SLC4A5: variants seen among roughly 807,000 people sequenced by gnomAD.
SLC4A5 encodes electrogenic sodium bicarbonate cotransporter 4.
A neutral mutation model predicts 120.4 loss-of-function variants in SLC4A5; 96 were observed. That is an observed-to-expected ratio of 0.80 (90% confidence interval 0.68 to 0.94). The LOEUF is 0.94. Ranked by LOEUF, SLC4A5 falls within the 40% of genes least tolerant of loss-of-function variation. SLC4A5 has a pLI of 0.00. For missense variants in SLC4A5, 1,259 were observed against 1,459.5 expected (o/e 0.86, Z 2.24); for synonymous variants, 550 against 571.1 (o/e 0.96, Z 0.53).
At chr2:74,220,198 C>T (rs1181477581) in intron 30 of SLC4A5, among the ~76,000 whole-genome samples, 1 of 152,186 alleles carries the variant, frequency 6.6e-6, no homozygotes, top group Non-Finnish European at 1.5e-5. Context: ...TCTGTGTTTG[C>T]CCCCACTATG....
chr2:74,245,843 C>T (rs1034844686), intron 19 of SLC4A5, among the ~76,000 whole-genome samples: 2 of 152,238 alleles, frequency 1.3e-5, no homozygotes, highest in East Asian at 3.8e-4. Context: ...GCTGAACCCA[C>T]TATCCACTTA....
chr2:74,247,042 C>T, exon 19 of SLC4A5: 1 of 1,613,680 alleles, frequency 6.2e-7, no homozygotes, highest in African/African-American at 1.3e-5. Context: ...TCACCTGTGT[C>T]AGGGGCGACA....
chr2:74,279,393 C>T (rs1671741781), intron 8 of SLC4A5, among the ~76,000 whole-genome samples: 1 of 152,288 alleles, frequency 6.6e-6, no homozygotes, highest in Admixed American at 6.5e-5. Flanking sequence ...CCCTTGATTT[C>T]CAGGACAAAG....
exon 19 of SLC4A5, chr2:74,247,199 G>A (rs1162192489): frequency 6.2e-7 from 1 of 1,614,100 alleles, no homozygotes; most frequent in African/African-American, 1.3e-5. Context: ...TGAAGCGGGT[G>A]ATATATTTGA....
rs1316373908 is a variant in SLC4A5, at chr2:74,222,857, GT to G, written c.3331+10del. 6.2e-7 allele frequency: 1 copy of G among 1,602,104 alleles called. No individual in the cohort carries two copies. The highest frequency in any genetic ancestry group is 1.3e-5 in the African/African-American group (1 of 74,670). On this transcript the variant is annotated intron_variant, in intron 29 of 30. Transcript: ENST00000394019. ...TAGTAAGAAGGGAGAGACATCATGT[GT>G]TTTACTTACTGGCAATGCAGTGGAT...
At chr2:74,305,881 T>C (rs956244998) in intron 6 of SLC4A5, among the ~76,000 whole-genome samples, 3 of 152,026 alleles carry the variant, frequency 2.0e-5, no homozygotes, top group African/African-American at 7.2e-5. Context: ...CGCACCACCA[T>C]GCCTGGCTAA....
chr2:74,259,621 C>T (rs1671074782), exon 12 of SLC4A5: 4 of 1,614,206 alleles, frequency 2.5e-6, no homozygotes, highest in Non-Finnish European at 3.4e-6. Context: ...AAATGTCATT[C>T]ATGCTTCTGC....
chr2:74,301,837 C>T (rs561715888), intron 7 of SLC4A5, among the ~76,000 whole-genome samples: 1 of 152,168 alleles, frequency 6.6e-6, no homozygotes, highest in Non-Finnish European at 1.5e-5. Flanking sequence ...TGGTTGGTGA[C>T]TTTGTTACCA....
rs1482768131 is a variant in SLC4A5, at chr2:74,274,503, T to TA, written c.402-9240dup. Reference sequence around the variant, plus strand: ...GCAGTAAATTTGAAAGATTATAAAGTATAAAAGACTGAGGGGGCAGGCATG... The same window carrying TA: ...GCAGTAAATTTGAAAGATTATAAAGTAATAAAAGACTGAGGGGGCAGGCATG... On this transcript the variant is annotated intron_variant, in intron 8 of 30. Coordinates refer to ENST00000394019, the Ensembl canonical transcript of SLC4A5. Among the ~76,000 whole-genome samples the TA allele has an allele frequency of 3.2e-4, 49 of 152,170 alleles. 1 individual carries two copies.
intron 7 of SLC4A5, among the ~76,000 whole-genome samples, chr2:74,297,018 T>C (rs1672351298): frequency 6.6e-6 from 1 of 152,138 alleles, no homozygotes; most frequent in Admixed American, 6.5e-5. Context: ...CTTTCTCTCC[T>C]TTACTTCTCA....
chr2:74,219,292 G>A (rs1032558794), intron 30 of SLC4A5, among the ~76,000 whole-genome samples: 1 of 150,164 alleles, frequency 6.7e-6, no homozygotes, highest in Non-Finnish European at 1.5e-5. Flanking sequence ...TCTCTGCCCC[G>A]CTCTATGTCT....
chr2:74,277,993 G>T (rs1364200311), intron 8 of SLC4A5, among the ~76,000 whole-genome samples: 1 of 152,172 alleles, frequency 6.6e-6, no homozygotes, highest in Non-Finnish European at 1.5e-5. Context: ...GAAGCTGGGT[G>T]ATGGGGACCA....
At chr2:74,337,428 A>G (rs1673519489) in intron 3 of SLC4A5, among the ~76,000 whole-genome samples, 1 of 152,238 alleles carries the variant, frequency 6.6e-6, no homozygotes, top group South Asian at 2.1e-4. Flanking sequence ...CCCAAAATGG[A>G]AACTGCAAAG....
intron 17 of SLC4A5, among the ~76,000 whole-genome samples, chr2:74,248,939 T>C (rs1289733014): frequency 2.6e-5 from 4 of 152,316 alleles, no homozygotes; most frequent in African/African-American, 4.8e-5. Context: ...AGATAACATA[T>C]CTTCATTCCA....
At chr2:74,334,280 C>T (rs1212222418) in intron 3 of SLC4A5, 103 bp from the exon 4 acceptor site, 1 of 152,192 alleles carries the variant, frequency 6.6e-6, no homozygotes, top group Non-Finnish European at 1.5e-5. Context: ...CTTTCTTCAC[C>T]ACCCCTATCT....
intron 20 of SLC4A5, among the ~76,000 whole-genome samples, chr2:74,240,745 G>A (rs1409746548): frequency 6.6e-6 from 1 of 150,778 alleles, no homozygotes; most frequent in African/African-American, 2.5e-5. Context: ...ATTCCAGCCT[G>A]GGTAACAGAG....
intron 18 of SLC4A5, 72 bp from the exon 19 acceptor site, chr2:74,247,379 C>T (rs565771593): frequency 6.7e-7 from 1 of 1,499,070 alleles, no homozygotes; most frequent in Non-Finnish European, 9.0e-7. Flanking sequence ...TCAGACTCAT[C>T]CTTAAGTGGC....
chr2:74,334,613 C>T (rs1673439310), intron 3 of SLC4A5, among the ~76,000 whole-genome samples: 1 of 152,120 alleles, frequency 6.6e-6, no homozygotes. Context: ...TCTGTTCCTC[C>T]AATATGGCAG....
Position 74,254,618 on chromosome 2 carries a change from C to T in SLC4A5, c.1113+1G>A. ...AGTACAAGCTTCTGGTTACCACTTACATCATCTACCATGAGGGTTGCAATG... is the reference window on the plus strand; with the variant it reads ...AGTACAAGCTTCTGGTTACCACTTATATCATCTACCATGAGGGTTGCAATG... On this transcript the variant is annotated splice_donor_variant, in intron 14 of 30. Coordinates refer to ENST00000394019, the Ensembl canonical transcript of SLC4A5. LOFTEE classifies it high-confidence loss of function. 6.2e-7 allele frequency: 1 copy of T among 1,613,640 alleles called. No individual in the cohort carries two copies. The highest frequency in any genetic ancestry group is 8.5e-7 in the Non-Finnish European group (1 of 1,179,580).
Sources: gnomAD v4.1 joint callset for allele counts (sites outside exome capture counted in the v4.1 genomes callset) on GRCh38, gnomAD v4.1.1 for gene constraint, MANE v1.5 for transcripts, NCBI Gene and HGNC (gene_info 2026-07-23, HGNC 2026-07-21) for gene names.